The following CAMTA2 variants were observed in gnomAD, a reference collection of about 807,000 sequenced individuals.
CAMTA2 encodes calmodulin-binding transcription activator 2.
In CAMTA2, 56 loss-of-function variants were observed where a neutral mutation model predicts 135.7. The observed-to-expected ratio is 0.41, with a 90% CI of 0.33 to 0.52. CAMTA2 has a LOEUF of 0.52. CAMTA2 is among the 20% of genes least tolerant of loss of function. The pLI is 0.16. For missense variants in CAMTA2, 1,358 were observed against 1,553.4 expected (o/e 0.87, Z 2.11); for synonymous variants, 591 against 604.6 (o/e 0.98, Z 0.33).
rs1972661971 is a variant in CAMTA2, at chr17:4,977,100, G to A, written c.1858C>T (p.Leu620=). The change falls in exon 11 of 23, where the codon CTG becomes TTG. Residue 620 remains leucine (L), a synonymous_variant. Transcript: ENST00000348066. The part of the protein sequence containing the change: ...VLFEYRARRF[L]SLPSTQLDWL... ...TCAAGTTGAGTACTAGGCAGAGACA[G>A]GAATCGGCGGGCTCGATACTCAAAG... 1 of 1,614,134 alleles carries A rather than the reference G, an allele frequency of 6.2e-7. No individual in the cohort carries two copies. The highest frequency in any genetic ancestry group is 8.5e-7 in the Non-Finnish European group (1 of 1,180,010).
rs185115895 is a variant in CAMTA2, at chr17:4,974,777, C to A, written c.1901-277G>T. On this transcript the variant is annotated intron_variant, in intron 11 of 22. Transcript: ENST00000348066. The stretch of plus-strand genomic sequence containing the variant: ...AGAGGTAGTAGGATTCCCAAATGGT[C>A]ATCCAGCCTCCAGATGTCCCAAATC... The A allele has an allele frequency of 3.0e-5, 10 of 328,756 alleles. No homozygotes were observed. In the Admixed American group the frequency reaches 4.1e-4, roughly 14 times the overall value. The allele number at this position is 328,756 out of a possible 1,614,324, so 20.4% of individuals were successfully genotyped here.
chr17:4,968,308 C>A lies in CAMTA2; in HGVS notation c.*448G>T. The A allele has an allele frequency of 3.7e-6, 1 of 270,464 alleles. No homozygotes were observed. Among genetic ancestry groups the A allele is most frequent in the South Asian group, 4.7e-5 (1 of 21,368 alleles). The allele number at this position is 270,464 out of a possible 1,614,324, so 16.8% of individuals were successfully genotyped here. On this transcript the variant is annotated 3_prime_UTR_variant, in exon 23 of 23. Coordinates refer to ENST00000348066, the MANE Select transcript of CAMTA2 (RefSeq NM_015099.4). ...CAGGGCCAGAGAGGGAGGAAACAGA[C>A]GCAAACATGCGGAGTCGGGTGGGGA...
intron 13 of CAMTA2, 126 bp downstream of exon 13, chr17:4,973,459 C>A: frequency 9.8e-7 from 1 of 1,017,844 alleles, no homozygotes; most frequent in Non-Finnish European, 1.4e-6. Context: ...CTCTCCCAAC[C>A]CCCTCCCTTC....
Position 4,969,886 on chromosome 17 carries a change from G to A in CAMTA2, c.3189+16C>T. 1 of 1,612,946 alleles carries A rather than the reference G, an allele frequency of 6.2e-7. No homozygotes were observed. The highest frequency in any genetic ancestry group is 1.7e-5 in the Admixed American group (1 of 59,996). On this transcript the variant is annotated intron_variant, in intron 18 of 22. Coordinates refer to ENST00000348066, the MANE Select transcript of CAMTA2 (RefSeq NM_015099.4). This position sits in a 1 kb window ranked among gnomAD's most constrained non-coding sequence, Gnocchi z 5.6. The stretch of plus-strand genomic sequence containing the variant: ...CTGGAGATTGTGTAATTCATCCTGA[G>A]ACCCCTGCCCCTGACCTTGTACTTT...
At chr17:4,971,120 G>A (rs997811925) in intron 16 of CAMTA2, among the ~76,000 whole-genome samples, 22 of 152,318 alleles carry the variant, frequency 1.4e-4, no homozygotes, top group African/African-American at 5.3e-4. Context: ...GTCTCTATCA[G>A]AGAAGTACAA....
In CAMTA2 at chr17:4,972,783, G is replaced by A. The variant is rs1972377350; in HGVS notation, c.2489C>T (p.Ser830Phe). The change falls in exon 15 of 23, where the codon TCC becomes TTC. Residue 830 changes from serine (S) to phenylalanine (F), a missense_variant. Transcript: ENST00000348066. ...GCCACCCTCACCAGTGTCTGGGCTG[G>A]AGGAGGGTGGCGATAGGGCAAATGG... ...EPPFALSPPSSSPDTGLSSVS... is the reference protein window; with the variant it reads ...EPPFALSPPSFSPDTGLSSVS... 2 of 1,613,742 alleles carry A rather than the reference G, an allele frequency of 1.2e-6. No individual in the cohort carries two copies. Among genetic ancestry groups the A allele is most frequent in the Non-Finnish European group, 1.7e-6 (2 of 1,179,878 alleles).
At position 4,972,452 on chromosome 17, in the gene CAMTA2, C is replaced by T. The variant is rs1231521928; in HGVS notation, c.2588G>A (p.Ser863Asn). 1 of 1,613,414 alleles carries T rather than the reference C, an allele frequency of 6.2e-7. No homozygotes were observed. Among genetic ancestry groups the T allele is most frequent in the East Asian group, 2.2e-5 (1 of 44,866 alleles). ...GGCTGGCAGAGGTGCAGGGGGGGGA[C>T]TGCCATCTGGGGCACTAGAATAGGC... The part of the protein sequence containing the change: ...TSAYSSAPDG[S>N]PPPAPLPASE... The change falls in exon 16 of 23, where the codon AGT becomes AAT. Residue 863 changes from serine (S) to asparagine (N), a missense_variant. Ser to Asn is a conservative substitution (Grantham distance 46). Transcript: ENST00000348066.
Position 4,972,831 on chromosome 17 carries a change from C to T in CAMTA2, c.2441G>A (p.Arg814Lys), listed in dbSNP as rs762164707. The part of the protein sequence containing the change: ...RLARCLEELQ[R>K]QEPSVEPPFA... Reference sequence around the variant, plus strand: ...TGGGGGCTCCACCGAAGGCTCCTGTCTCTGTAGTTCCTCAAGGCAGCGGGC... The same window carrying T: ...TGGGGGCTCCACCGAAGGCTCCTGTTTCTGTAGTTCCTCAAGGCAGCGGGC... The change falls in exon 15 of 23, where the codon AGA (arginine) becomes AAA (lysine). Residue 814 changes from arginine to lysine, a missense_variant. This residue lies in a region of CAMTA2 where 1,077 missense variants were observed against 1,127.5 expected (regional missense o/e 0.96). Transcript: ENST00000348066. 4.3e-5 allele frequency: 70 copies of T among 1,613,842 alleles called. 1 individual carries two copies. The highest frequency in any genetic ancestry group is 3.3e-5 in the Admixed American group (2 of 60,006).
Position 4,970,519 on chromosome 17 carries a change from T to C in CAMTA2, c.2826A>G (p.Leu942=), listed in dbSNP as rs1373196702. The C allele has an allele frequency of 6.2e-7, 1 of 1,611,226 alleles. No homozygotes were observed. The highest frequency in any genetic ancestry group is 1.3e-5 in the African/African-American group (1 of 74,936). ...VDVIPVDMIS[L]AKQIIEATPE... ...GTGTGGCTTCGATGATCTGCTTGGC[T>C]AGTGAGATCATGTCCACCTGGAAGA... Residue 942 remains leucine (L), a synonymous_variant, in exon 17 of 23, where the codon CTA becomes CTG. Transcript: ENST00000348066.
At chr17:4,976,282 A>C (rs1175487980) in intron 11 of CAMTA2, among the ~76,000 whole-genome samples, 1 of 152,048 alleles carries the variant, frequency 6.6e-6, no homozygotes, top group African/African-American at 2.4e-5. Flanking sequence ...CTGGGATTAG[A>C]AGCACGAGCC....
In CAMTA2 at chr17:4,977,145, G is replaced by T. The variant is rs755539839; in HGVS notation, c.1813C>A (p.Pro605Thr). Residue 605 changes from proline to threonine, a missense_variant, in exon 11 of 23, where the codon CCC becomes ACC. By Grantham distance (38) the Pro-to-Thr change is conservative (BLOSUM62 -1). This residue lies in a region of CAMTA2 where 1,077 missense variants were observed against 1,127.5 expected (regional missense o/e 0.96). Coordinates refer to ENST00000348066, the MANE Select transcript of CAMTA2 (RefSeq NM_015099.4). ...TCAAAGAGCACAGAAGCAGAAAGGGGCCCCTCCCGCCCTGCCACCTGCAAA... is the reference window on the plus strand; with the variant it reads ...TCAAAGAGCACAGAAGCAGAAAGGGTCCCCTCCCGCCCTGCCACCTGCAAA... ...VSLQVAGREG[P>T]LSASVLFEYR... 2 of 1,614,020 alleles carry T rather than the reference G, an allele frequency of 1.2e-6. No homozygotes were observed. Among genetic ancestry groups the T allele is most frequent in the South Asian group, 1.1e-5 (1 of 91,074 alleles).
At chr17:4,986,366 T>C (rs1973299918) in intron 1 of CAMTA2, 80 bp from the exon 2 acceptor site, 1 of 632,874 alleles carries the variant, frequency 1.6e-6, no homozygotes, top group Non-Finnish European at 2.8e-6. Flanking sequence ...GGAGTGGGTA[T>C]AGAACTGGGT....
chr17:4,979,532 G>T, intron 9 of CAMTA2, 152 bp downstream of exon 9: 1 of 402,036 alleles, frequency 2.5e-6, no homozygotes. Context: ...AAAAAAAAGA[G>T]AGAGATTAGG....
Position 4,972,913 on chromosome 17 carries a change from C to T in CAMTA2, c.2359G>A (p.Asp787Asn), listed in dbSNP as rs567155838. The change falls in exon 15 of 23, where the codon GAC (aspartate) becomes AAC (asparagine). Residue 787 changes from aspartate to asparagine, a missense_variant. Physicochemically the swap from Asp to Asn is conservative, Grantham distance 23. This residue lies in a region of CAMTA2 where 1,077 missense variants were observed against 1,127.5 expected (regional missense o/e 0.96). Transcript: ENST00000348066. ...RWNRQALSIPDSLGRLPLSVA... is the reference protein window; with the variant it reads ...RWNRQALSIPNSLGRLPLSVA... ...GACAATGGCAGACGGCCCAGAGAGT[C>T]GGGAATGCTCAGTGCCTGTCGGTTC... 55 of 1,613,852 alleles carry T rather than the reference C, an allele frequency of 3.4e-5. No homozygotes were observed. The highest frequency in any genetic ancestry group is 1.0e-4 in the Admixed American group (6 of 60,018).
At chr17:4,987,448 C>T (rs1973430313) in intron 1 of CAMTA2, 145 bp downstream of exon 1, 3 of 1,382,198 alleles carry the variant, frequency 2.2e-6, no homozygotes, top group South Asian at 1.6e-5. Flanking sequence ...CCCCCTGGCG[C>T]GGGGGAGGAG....
chr17:4,986,091 CCTCA>C, intron 2 of CAMTA2, 97 bp downstream of exon 2: 7 of 1,113,752 alleles, frequency 6.3e-6, no homozygotes, highest in Non-Finnish European at 9.7e-6. Flanking sequence ...AAAACTGAAA[CCTCA>C]CTAAGGAGAA....
intron 14 of CAMTA2, 41 bp downstream of exon 14, chr17:4,973,134 G>A (rs372744778): frequency 7.0e-6 from 11 of 1,570,892 alleles, no homozygotes; most frequent in Non-Finnish European, 8.7e-6. Context: ...TGTTCCCATT[G>A]CTCCCTGCCC....
At chr17:4,981,896 CCTCA>C (rs1457477733) in intron 6 of CAMTA2, 65 bp from the exon 7 acceptor site, 21 of 1,494,152 alleles carry the variant, frequency 1.4e-5, no homozygotes, top group Non-Finnish European at 1.9e-5. Flanking sequence ...GCTTCCTAAT[CCTCA>C]CTTTCTTCCT....
Position 4,980,087 on chromosome 17 carries a change from G to A in CAMTA2, c.1235C>T (p.Ala412Val). Residue 412 changes from alanine to valine, a missense_variant, in exon 9 of 23, where the codon GCC becomes GTC. Ala to Val is a moderately conservative substitution (Grantham distance 64). This residue lies in a region of CAMTA2 where 1,077 missense variants were observed against 1,127.5 expected (regional missense o/e 0.96). Coordinates refer to ENST00000348066, the MANE Select transcript of CAMTA2 (RefSeq NM_015099.4). The surrounding 1 kb of genome is among the most constrained non-coding windows in gnomAD (Gnocchi z 5.3). ...EAEAAHTPCS[A>V]LEPAAALEPQ... ...CTCCAGGGCAGCAGCAGGCTCTAGGGCAGAACAGGGGGTATGAGCGGCCTC... is the reference window on the plus strand; with the variant it reads ...CTCCAGGGCAGCAGCAGGCTCTAGGACAGAACAGGGGGTATGAGCGGCCTC... 6.2e-7 allele frequency: 1 copy of A among 1,613,618 alleles called. No individual in the cohort carries two copies. The highest frequency in any genetic ancestry group is 1.3e-5 in the African/African-American group (1 of 75,060).
Sources: allele counts gnomAD v4.1 joint callset (sites outside exome capture counted in the v4.1 genomes callset), GRCh38; gene constraint gnomAD v4.1.1; regional missense constraint gnomAD v4.1.1; non-coding constraint Gnocchi (gnomAD v3.1); transcripts MANE v1.5; gene names NCBI Gene and HGNC (gene_info 2026-07-23, HGNC 2026-07-21).